Variants in CHST9 observed in about 807,000 individuals in gnomAD.
CHST9 encodes GalNAc-4-sulfotransferase 2.
CHST9 carries 41 observed loss-of-function variants against 44.4 expected under a neutral mutation model. The ratio of observed to expected loss-of-function variants is 0.92; its 90% CI spans 0.72 to 1.20. The LOEUF (loss-of-function observed/expected upper bound fraction) is 1.20. Among genes scored for constraint, CHST9 ranks in the 50% most tolerant of loss-of-function variants. The pLI is 0.00. For synonymous variants in CHST9, 171 were observed against 178.4 expected, an observed-to-expected ratio of 0.96 and a Z score of 0.33; for missense variants, 504 against 516.5, an observed-to-expected ratio of 0.98 and a Z score of 0.23.
chr18:27,068,561 A>G (rs2057806317), intron 2 of CHST9, among the ~76,000 whole-genome samples: 2 of 152,196 alleles, frequency 1.3e-5, no homozygotes, highest in African/African-American at 4.8e-5. Context: ...TTTCTAGAGT[A>G]ATTTGCATTT....
At chr18:26,937,673 C>G (rs1041684035) in intron 5 of CHST9, among the ~76,000 whole-genome samples, 1 of 152,158 alleles carries the variant, frequency 6.6e-6, no homozygotes, top group Non-Finnish European at 1.5e-5. Context: ...TGATTTTAGA[C>G]GAACTAATTC....
intron 2 of CHST9, among the ~76,000 whole-genome samples, chr18:27,080,318 G>T (rs1011120634): frequency 2.0e-5 from 3 of 151,774 alleles, no homozygotes; most frequent in African/African-American, 7.3e-5. Flanking sequence ...CTCTCATCTG[G>T]AAATGCCATT....
At chr18:27,152,773 T>G (rs2058668867) in intron 1 of CHST9, among the ~76,000 whole-genome samples, 1 of 151,898 alleles carries the variant, frequency 6.6e-6, no homozygotes, top group East Asian at 1.9e-4. Context: ...TTTAAAAAAT[T>G]TTTGGAGTCC....
intron 2 of CHST9, among the ~76,000 whole-genome samples, chr18:27,061,877 G>A (rs1442297908): frequency 6.6e-6 from 1 of 152,172 alleles, no homozygotes; most frequent in African/African-American, 2.4e-5. Context: ...TAGACTTCTA[G>A]AATTTCTATA....
intron 2 of CHST9, among the ~76,000 whole-genome samples, chr18:27,084,192 A>G (rs1167269573): frequency 1.3e-5 from 2 of 151,844 alleles, no homozygotes; most frequent in African/African-American, 4.8e-5. Flanking sequence ...CTCCTCTTCA[A>G]TTTTTTGGAA....
intron 4 of CHST9, among the ~76,000 whole-genome samples, chr18:26,958,806 A>G (rs1173700083): frequency 1.3e-5 from 2 of 152,216 alleles, no homozygotes; most frequent in South Asian, 4.1e-4. Context: ...GCTATTACTA[A>G]AAGTCGAAAC....
chr18:27,160,979 C>T (rs1014745949), intron 1 of CHST9, among the ~76,000 whole-genome samples: 3 of 151,914 alleles, frequency 2.0e-5, no homozygotes, highest in African/African-American at 2.4e-5. Context: ...TTTTTTATTG[C>T]GTCTATTGGA....
intron 2 of CHST9, among the ~76,000 whole-genome samples, chr18:27,049,566 C>G (rs184481055): frequency 1.4e-3 from 208 of 152,070 alleles, no homozygotes; most frequent in African/African-American, 4.9e-3. Flanking sequence ...GGGACTTCAA[C>G]AGGCACTGAC....
intron 4 of CHST9, among the ~76,000 whole-genome samples, chr18:27,000,571 T>G (rs959935295): frequency 2.0e-5 from 3 of 152,170 alleles, no homozygotes; most frequent in Non-Finnish European, 4.4e-5. Flanking sequence ...AGAAACAGTC[T>G]TAAAGCCTTT....
At chr18:27,013,270 T>C (rs2057106955) in intron 4 of CHST9, among the ~76,000 whole-genome samples, 1 of 152,248 alleles carries the variant, frequency 6.6e-6, no homozygotes, top group African/African-American at 2.4e-5. Context: ...ATAGCTAGTT[T>C]TCAGAGCATG....
At chr18:27,158,252 C>T (rs1277131277) in intron 1 of CHST9, among the ~76,000 whole-genome samples, 1 of 151,946 alleles carries the variant, frequency 6.6e-6, no homozygotes, top group South Asian at 2.1e-4. Context: ...TATCCCTCCC[C>T]CTTCCCCCCA....
chr18:27,038,088 A>G (rs1467996634), intron 3 of CHST9, among the ~76,000 whole-genome samples: 1 of 152,208 alleles, frequency 6.6e-6, no homozygotes, highest in African/African-American at 2.4e-5. Context: ...ATGGGGTTAT[A>G]TTTAAAAAAT....
At chr18:27,160,906 T>C (rs1256750663) in intron 1 of CHST9, among the ~76,000 whole-genome samples, 1 of 152,214 alleles carries the variant, frequency 6.6e-6, no homozygotes, top group Non-Finnish European at 1.5e-5. Flanking sequence ...GTGGAGGTGT[T>C]TGTAGTATTC....
intron 4 of CHST9, among the ~76,000 whole-genome samples, chr18:26,955,043 A>G (rs1389346072): frequency 6.6e-6 from 1 of 152,088 alleles, no homozygotes; most frequent in Non-Finnish European, 1.5e-5. Flanking sequence ...TGCTCATGAA[A>G]GAAAGGGTAC....
chr18:26,906,714 T>A lies in CHST9; in HGVS notation c.*9545A>T, dbSNP rs559613464. 2 of 152,234 alleles carry A rather than the reference T, an allele frequency of 1.3e-5. No individual in the cohort carries two copies. Among genetic ancestry groups the A allele is most frequent in the African/African-American group, 4.8e-5 (2 of 41,534 alleles). The allele number at this position is 152,234 out of a possible 1,614,324, so 9.4% of individuals were successfully genotyped here. A position where few individuals can be genotyped will look rare whatever the true frequency, so the allele number is the denominator to read the frequency against. Reference sequence around the variant, plus strand: ...AGGCTCCTAACCATCCTACATAGAATCCTGCTTCCCAATCTCTCATAGTAC... The same window carrying A: ...AGGCTCCTAACCATCCTACATAGAAACCTGCTTCCCAATCTCTCATAGTAC... On this transcript the variant is annotated 3_prime_UTR_variant, in exon 6 of 6. Coordinates refer to ENST00000618847, the MANE Select transcript of CHST9 (RefSeq NM_031422.6).
intron 3 of CHST9, among the ~76,000 whole-genome samples, chr18:27,043,822 C>A (rs1245878909): frequency 6.6e-6 from 1 of 152,066 alleles, no homozygotes; most frequent in African/African-American, 2.4e-5. Context: ...GAAGTCCAAA[C>A]TCCATGGAAC....
chr18:27,098,415 C>T (rs928993651), intron 2 of CHST9, among the ~76,000 whole-genome samples: 2 of 151,944 alleles, frequency 1.3e-5, no homozygotes, highest in African/African-American at 4.8e-5. Context: ...GGATCTAGAA[C>T]CAGAAATTCC....
At chr18:26,947,196 G>A (rs1281829583) in intron 4 of CHST9, among the ~76,000 whole-genome samples, 1 of 152,078 alleles carries the variant, frequency 6.6e-6, no homozygotes, top group Non-Finnish European at 1.5e-5. Flanking sequence ...ATACTTCCTT[G>A]AGCAGTGGTT....
chr18:27,095,133 G>A (rs1361164225), intron 2 of CHST9, among the ~76,000 whole-genome samples: 1 of 152,144 alleles, frequency 6.6e-6, no homozygotes, highest in Non-Finnish European at 1.5e-5. Context: ...GTGCAAGTTA[G>A]TTTCAAGCAT....
Sources: allele counts gnomAD v4.1 joint callset (sites outside exome capture counted in the v4.1 genomes callset), GRCh38; gene constraint gnomAD v4.1.1; transcripts MANE v1.5; gene names NCBI Gene and HGNC (gene_info 2026-07-23, HGNC 2026-07-21).